The following ST3GAL3 variants were observed in gnomAD, a reference collection of about 807,000 sequenced individuals.
ST3GAL3 encodes the protein ST3 beta-galactoside alpha-2,3-sialyltransferase 3, also known as CMP-N-acetylneuraminate-beta-1,4-galactoside alpha-2,3-sialyltransferase.
A neutral mutation model predicts 50.1 loss-of-function variants in ST3GAL3; 21 were observed. The ratio of observed to expected loss-of-function variants is 0.42; its 90% CI spans 0.30 to 0.60. ST3GAL3 has a LOEUF of 0.60. Among genes scored for constraint, ST3GAL3 ranks in the 20% least tolerant of loss-of-function variants. ST3GAL3 has a pLI of 0.19. For synonymous variants in ST3GAL3, 183 were observed against 190.0 expected (o/e 0.96, Z 0.30); for missense variants, 353 against 489.4 (o/e 0.72, Z 2.63).
rs534784553 is a variant in ST3GAL3 at position 43,874,561 on chromosome 1, G to A, written c.303-19822G>A. Among the ~76,000 whole-genome samples, 159 of 152,230 alleles carry A rather than the reference G, an allele frequency of 1.0e-3. 1 individual carries two copies. The highest frequency in any genetic ancestry group is 1.9e-3 in the Admixed American group (29 of 15,288). On this transcript the variant is annotated intron_variant, in intron 5 of 11. Coordinates refer to ENST00000347631, the MANE Select transcript of ST3GAL3 (RefSeq NM_006279.5). The stretch of plus-strand genomic sequence containing the variant: ...AAGGGGTTTAATATGGATAAACAAC[G>A]TATTTGTTTGCCTATGGGGATAATC...
At chr1:43,732,657 GACCAGGGAGACTT>G (rs1173281408) in intron 1 of ST3GAL3, among the ~76,000 whole-genome samples, 1 of 152,160 alleles carries the variant, frequency 6.6e-6, no homozygotes, top group East Asian at 1.9e-4. Flanking sequence ...CAATGGATGT[GACCAGGGAGACTT>G]ACCATAATTT....
At chr1:43,838,589 A>G (rs1245048939) in intron 5 of ST3GAL3, 1 of 408,202 alleles carries the variant, frequency 2.4e-6, no homozygotes, top group Admixed American at 3.5e-5. Flanking sequence ...AGGTATCCAG[A>G]GGCAGCCAGA....
chr1:43,775,316 C>T (rs922419717), intron 2 of ST3GAL3, among the ~76,000 whole-genome samples: 8 of 151,826 alleles, frequency 5.3e-5, no homozygotes, highest in Non-Finnish European at 1.0e-4. Flanking sequence ...TCACTGCAAC[C>T]TCTGCCTCCC....
At position 43,838,267 on chromosome 1, in the gene ST3GAL3, C is replaced by T; in HGVS notation, c.258C>T (p.Cys86=). 1 of 1,614,042 alleles carries T rather than the reference C, an allele frequency of 6.2e-7. No homozygotes were observed. The highest frequency in any genetic ancestry group is 8.5e-7 in the Non-Finnish European group (1 of 1,179,954). ...TKYANFSEGA[C]KPGYASALMT... ...ACGCAAACTTTTCAGAGGGAGCTTG[C>T]AAGCCTGGCTATGCTTCAGCCTTGA... Residue 86 remains cysteine (C), a synonymous_variant, in exon 5 of 12, where the codon TGC becomes TGT. Coordinates refer to ENST00000347631, the MANE Select transcript of ST3GAL3 (RefSeq NM_006279.5).
chr1:43,823,535 C>T (rs2062385827), intron 4 of ST3GAL3, among the ~76,000 whole-genome samples: 1 of 152,142 alleles, frequency 6.6e-6, no homozygotes, highest in Non-Finnish European at 1.5e-5. Context: ...CTCCTTTGCC[C>T]ATCCCATTTA....
intron 4 of ST3GAL3, among the ~76,000 whole-genome samples, chr1:43,830,694 C>T (rs1444265021): frequency 1.3e-5 from 2 of 152,202 alleles, no homozygotes; most frequent in African/African-American, 4.8e-5. Flanking sequence ...CCACTGGGCT[C>T]ACATAAGTGC....
At chr1:43,745,204 G>C (rs538482123) in intron 2 of ST3GAL3, among the ~76,000 whole-genome samples, 5 of 152,060 alleles carry the variant, frequency 3.3e-5, no homozygotes, top group Non-Finnish European at 7.4e-5. Context: ...ACAACTAATT[G>C]TTTAAAGCAA....
At chr1:43,771,702 G>C (rs1278483928) in intron 2 of ST3GAL3, among the ~76,000 whole-genome samples, 1 of 150,802 alleles carries the variant, frequency 6.6e-6, no homozygotes, top group Non-Finnish European at 1.5e-5. Context: ...ATTTAGTCCA[G>C]AACTCAGATT....
chr1:43,865,105 C>T (rs985769589), intron 5 of ST3GAL3, among the ~76,000 whole-genome samples: 26 of 151,938 alleles, frequency 1.7e-4, no homozygotes, highest in African/African-American at 6.0e-4. Flanking sequence ...CAAGCTCCGC[C>T]TCCCGGGTTC....
At chr1:43,744,766 C>G (rs949061822) in intron 2 of ST3GAL3, among the ~76,000 whole-genome samples, 3 of 151,344 alleles carry the variant, frequency 2.0e-5, no homozygotes, top group African/African-American at 7.3e-5. Flanking sequence ...CTTTGGGAGG[C>G]TGAGGCAGGC....
intron 9 of ST3GAL3, among the ~76,000 whole-genome samples, chr1:43,917,678 TA>T (rs2082303023): frequency 1.8e-5 from 2 of 108,908 alleles, no homozygotes; most frequent in Non-Finnish European, 3.5e-5. Context: ...ATTATATATA[TA>T]TATATTTTAA....
chr1:43,785,953 C>T (rs914968399), intron 2 of ST3GAL3, among the ~76,000 whole-genome samples: 4 of 152,176 alleles, frequency 2.6e-5, no homozygotes, highest in Non-Finnish European at 4.4e-5. Flanking sequence ...ATATCATTCT[C>T]TTCCCTTCCT....
At chr1:43,823,323 G>A (rs1164193413) in intron 4 of ST3GAL3, among the ~76,000 whole-genome samples, 1 of 152,052 alleles carries the variant, frequency 6.6e-6, no homozygotes, top group Non-Finnish European at 1.5e-5. Context: ...CCACACCTTC[G>A]TTTCTTGTTG....
intron 3 of ST3GAL3, among the ~76,000 whole-genome samples, chr1:43,810,807 C>T (rs1035978111): frequency 2.6e-5 from 4 of 152,080 alleles, no homozygotes; most frequent in Non-Finnish European, 1.5e-5. Flanking sequence ...TGTTTGCCTA[C>T]AGGTTGCTGG....
chr1:43,741,447 A>G (rs1680887442), intron 2 of ST3GAL3, among the ~76,000 whole-genome samples: 1 of 152,244 alleles, frequency 6.6e-6, no homozygotes, highest in Admixed American at 6.5e-5. Flanking sequence ...ATTATAAAAT[A>G]TGCATTCAAA....
intron 2 of ST3GAL3, among the ~76,000 whole-genome samples, chr1:43,745,320 AG>A (rs1182356338): frequency 6.6e-6 from 1 of 152,216 alleles, no homozygotes; most frequent in East Asian, 1.9e-4. Flanking sequence ...TTACTGTACA[AG>A]GTTATATTTG....
intron 2 of ST3GAL3, among the ~76,000 whole-genome samples, chr1:43,740,411 GGTA>G (rs1680366036): frequency 6.6e-6 from 1 of 151,986 alleles, no homozygotes; most frequent in South Asian, 2.1e-4. Flanking sequence ...ATAGGAGTCG[GGTA>G]GTTGCCTCTT....
intron 9 of ST3GAL3, chr1:43,920,166 TCCTC>T: frequency 1.4e-5 from 8 of 575,594 alleles, no homozygotes; most frequent in South Asian, 5.8e-5. Flanking sequence ...TCCCTTCGTA[TCCTC>T]CTCTGTTACA....
At chr1:43,733,826 A>G (rs1398726412) in intron 1 of ST3GAL3, among the ~76,000 whole-genome samples, 1 of 152,194 alleles carries the variant, frequency 6.6e-6, no homozygotes, top group South Asian at 2.1e-4. Context: ...TCACTTAAGA[A>G]CCTCTTTCAC....
Sources: allele counts gnomAD v4.1 joint callset (sites outside exome capture counted in the v4.1 genomes callset), GRCh38; gene constraint gnomAD v4.1.1; transcripts MANE v1.5; gene names NCBI Gene and HGNC (gene_info 2026-07-23, HGNC 2026-07-21).